The following PSMA1 variants were observed in gnomAD, a reference collection of about 807,000 sequenced individuals.
The protein encoded by PSMA1 is proteasome subunit alpha type-1.
A neutral mutation model predicts 38.4 loss-of-function variants in PSMA1; 3 were observed. The ratio of observed to expected loss-of-function variants is 0.08; its 90% CI spans 0.04 to 0.20. The LOEUF (loss-of-function observed/expected upper bound fraction) is 0.20. Among genes scored for constraint, PSMA1 ranks in the 10% least tolerant of loss-of-function variants. The pLI, the probability that PSMA1 is intolerant of heterozygous loss-of-function variation, is 1.00. For missense variants in PSMA1, 227 were observed against 325.3 expected (o/e 0.70, Z 2.32); for synonymous variants, 101 against 107.1 (o/e 0.94, Z 0.35).
intron 2 of PSMA1, among the ~76,000 whole-genome samples, chr11:14,565,487 A>T (rs753044580): frequency 2.6e-5 from 4 of 151,880 alleles, no homozygotes; most frequent in Non-Finnish European, 4.4e-5. Flanking sequence ...TGATCCGATA[A>T]TTTTCTTCTT....
intron 1 of PSMA1, among the ~76,000 whole-genome samples, chr11:14,638,878 C>A (rs563953803): frequency 6.6e-6 from 1 of 151,236 alleles, no homozygotes; most frequent in South Asian, 2.1e-4. Flanking sequence ...TGAAGAAACT[C>A]CTGCTTGTCT....
At chr11:14,607,436 G>A (rs748034348) in intron 2 of PSMA1, among the ~76,000 whole-genome samples, 1 of 152,172 alleles carries the variant, frequency 6.6e-6, no homozygotes, top group Non-Finnish European at 1.5e-5. Context: ...GGTTGCTTCT[G>A]ACCCCAGAAT....
intron 2 of PSMA1, among the ~76,000 whole-genome samples, chr11:14,599,893 C>G (rs1852558290): frequency 1.3e-5 from 2 of 152,192 alleles, no homozygotes; most frequent in South Asian, 4.1e-4. Context: ...TACCTTTGGT[C>G]TTTGATGTTG....
Position 14,507,701 on chromosome 11 carries a change from A to G in PSMA1, c.690T>C (p.Ser230=). ...TTTCTTCAAGACCTTCCAGGAATGG[A>G]GACACATCATCATCATCATAGATTG... is the stretch of plus-strand genomic sequence containing the variant. ...EFTIYDDDDV[S]PFLEGLEERP... The change falls in exon 9 of 10, where the codon TCT becomes TCC. Residue 230 remains serine (S), a synonymous_variant. Transcript: ENST00000396394. 1 of 1,613,310 alleles carries G rather than the reference A, an allele frequency of 6.2e-7. No homozygotes were observed. The highest frequency in any genetic ancestry group is 8.5e-7 in the Non-Finnish European group (1 of 1,179,416).
chr11:14,638,545 CTATATA>C (rs1243564648), intron 1 of PSMA1, among the ~76,000 whole-genome samples: 256 of 15,848 alleles, frequency 0.016, no homozygotes, highest in Non-Finnish European at 0.017. Flanking sequence ...CTCTCTCTCT[CTATATA>C]TATATATATA....
At chr11:14,634,721 T>C (rs1853089870) in intron 1 of PSMA1, among the ~76,000 whole-genome samples, 1 of 152,218 alleles carries the variant, frequency 6.6e-6, no homozygotes, top group Non-Finnish European at 1.5e-5. Context: ...CAAGAAAATT[T>C]GAAACAGAAT....
At chr11:14,568,461 C>A (rs573624458) in intron 2 of PSMA1, among the ~76,000 whole-genome samples, 136 of 152,308 alleles carry the variant, frequency 8.9e-4, no homozygotes, top group African/African-American at 3.2e-3. Flanking sequence ...CCTCATTCAT[C>A]CCTTAAATAC....
At chr11:14,594,790 A>T (rs576834676) in intron 2 of PSMA1, among the ~76,000 whole-genome samples, 6 of 152,114 alleles carry the variant, frequency 3.9e-5, no homozygotes, top group Non-Finnish European at 8.8e-5. Context: ...TTTAATTTCT[A>T]GGGTACATGT....
chr11:14,572,520 T>C (rs1471292911), intron 2 of PSMA1, among the ~76,000 whole-genome samples: 1 of 152,164 alleles, frequency 6.6e-6, no homozygotes, highest in Non-Finnish European at 1.5e-5. Flanking sequence ...AAGCAGTGTG[T>C]AGAGGGAAAT....
In PSMA1 at chr11:14,504,887, G is replaced by A; in HGVS notation, c.*305C>T. 3.6e-6 allele frequency: 1 copy of A among 276,720 alleles called. No homozygotes were observed. The highest frequency in any genetic ancestry group is 6.8e-6 in the Non-Finnish European group (1 of 146,932). The allele number at this position is 276,720 out of a possible 1,614,324, so 17.1% of individuals were successfully genotyped here. Reference sequence around the variant, plus strand: ...ACAAAAACCCAATATACCAGGCGGTGAAACAATTTTATTTCACAGTTGTCT... The same window carrying A: ...ACAAAAACCCAATATACCAGGCGGTAAAACAATTTTATTTCACAGTTGTCT... On this transcript the variant is annotated 3_prime_UTR_variant, in exon 10 of 10. Transcript: ENST00000396394.
intron 2 of PSMA1, among the ~76,000 whole-genome samples, chr11:14,575,098 G>T (rs1161586427): frequency 6.6e-6 from 1 of 152,166 alleles, no homozygotes; most frequent in Non-Finnish European, 1.5e-5. Flanking sequence ...ATTGAGATGA[G>T]AAACTTGTTG....
rs774224448 is a variant in PSMA1, at chr11:14,552,370, C to A, written c.22-33329G>T. ...ACTTAGGCTGAATTTCTCTCCAGCTCATATGATGGGGATGTGGAGTTCAAA... is the reference window on the plus strand; with the variant it reads ...ACTTAGGCTGAATTTCTCTCCAGCTAATATGATGGGGATGTGGAGTTCAAA... On this transcript the variant is annotated intron_variant, in intron 2 of 10. Coordinates refer to the PSMA1 transcript ENST00000418988. Among the ~76,000 whole-genome samples the A allele has an allele frequency of 2.3e-4, 35 of 152,266 alleles. 1 individual carries two copies. Among genetic ancestry groups the A allele is most frequent in the Non-Finnish European group, 8.8e-5 (6 of 68,006 alleles).
At chr11:14,603,419 C>G (rs1312645111) in intron 2 of PSMA1, among the ~76,000 whole-genome samples, 1 of 152,136 alleles carries the variant, frequency 6.6e-6, no homozygotes, top group Non-Finnish European at 1.5e-5. Context: ...TAGGAGTGAT[C>G]TGCTCTAGAT....
chr11:14,511,013 T>C, intron 7 of PSMA1, 62 bp from the exon 8 acceptor site: 1 of 1,188,438 alleles, frequency 8.4e-7, no homozygotes, highest in Non-Finnish European at 1.2e-6. Flanking sequence ...TTCTGTTATT[T>C]ATCAAATCTA....
At chr11:14,593,650 GA>G (rs1387335391) in intron 2 of PSMA1, among the ~76,000 whole-genome samples, 6 of 151,326 alleles carry the variant, frequency 4.0e-5, no homozygotes, top group African/African-American at 1.5e-4. Context: ...GAGAGAGAGA[GA>G]GAGAGAGAGA....
chr11:14,615,217 A>G (rs1422867597), intron 1 of PSMA1, among the ~76,000 whole-genome samples: 1 of 152,212 alleles, frequency 6.6e-6, no homozygotes, highest in Non-Finnish European at 1.5e-5. Flanking sequence ...AACCTCCTTT[A>G]AAAGGTCTTT....
At chr11:14,524,078 C>G (rs1290399206), upstream of PSMA1, among the ~76,000 whole-genome samples, 7 of 117,136 alleles carry the variant, frequency 6.0e-5, no homozygotes, top group Admixed American at 2.4e-4. Flanking sequence ...CCAGGAGTTA[C>G]CAGCCTGAGC....
At chr11:14,617,650 CT>C (rs986013452) in intron 1 of PSMA1, among the ~76,000 whole-genome samples, 15 of 147,866 alleles carry the variant, frequency 1.0e-4, no homozygotes, top group East Asian at 4.0e-4. Context: ...CTTTATTGTC[CT>C]TTTTTTTTGA....
At chr11:14,554,742 G>C (rs1390789813) in intron 2 of PSMA1, among the ~76,000 whole-genome samples, 1 of 151,958 alleles carries the variant, frequency 6.6e-6, no homozygotes, top group Non-Finnish European at 1.5e-5. Flanking sequence ...TTTAAAAGTG[G>C]ATTTTTTAAA....
Sources: allele counts gnomAD v4.1 joint callset (sites outside exome capture counted in the v4.1 genomes callset), GRCh38; gene constraint gnomAD v4.1.1; transcripts MANE v1.5; gene names NCBI Gene and HGNC (gene_info 2026-07-23, HGNC 2026-07-21).